KCNN2: variants seen among roughly 807,000 people sequenced by gnomAD.
KCNN2 encodes the protein small conductance calcium-activated potassium channel protein 2.
In KCNN2, 24 loss-of-function variants were observed where a neutral mutation model predicts 55.5. The ratio of observed to expected loss-of-function variants is 0.43; its 90% confidence interval spans 0.31 to 0.61. The LOEUF (loss-of-function observed/expected upper bound fraction) is 0.61, where lower values mean the gene tolerates loss of function less well. KCNN2 is among the 20% of genes least tolerant of loss of function. The pLI, the probability that KCNN2 is intolerant of heterozygous loss-of-function variation, is 0.08. For synonymous variants in KCNN2, 431 were observed against 336.1 expected (o/e 1.28, Z -3.09); for missense variants, 754 against 853.6 (o/e 0.88, Z 1.45).
At chr5:114,071,901 T>A (rs994496168) in intron 1 of KCNN2, among the ~76,000 whole-genome samples, 7 of 152,318 alleles carry the variant, frequency 4.6e-5, no homozygotes, top group African/African-American at 1.7e-4. Context: ...TGGGGCCTCA[T>A]AAAAGATGAT....
intron 3 of KCNN2, among the ~76,000 whole-genome samples, chr5:114,432,546 T>C (rs1438166952): frequency 6.6e-6 from 1 of 152,210 alleles, no homozygotes; most frequent in African/African-American, 2.4e-5. Flanking sequence ...TCGCTCGCTC[T>C]CGGCGCCTCC....
At chr5:114,072,323 T>A (rs1750590550) in intron 1 of KCNN2, among the ~76,000 whole-genome samples, 1 of 151,806 alleles carries the variant, frequency 6.6e-6, no homozygotes, top group Non-Finnish European at 1.5e-5. Flanking sequence ...CGATCCCTTC[T>A]TGCTTGTTCA....
intron 1 of KCNN2, among the ~76,000 whole-genome samples, chr5:114,143,225 A>G (rs1041932657): frequency 2.6e-5 from 4 of 152,190 alleles, no homozygotes; most frequent in African/African-American, 9.7e-5. Flanking sequence ...GTAATTCTTT[A>G]ACAGAACATC....
At chr5:114,072,119 C>T (rs1450056855) in intron 1 of KCNN2, among the ~76,000 whole-genome samples, 21 of 152,026 alleles carry the variant, frequency 1.4e-4, no homozygotes, top group Admixed American at 1.4e-3. Context: ...ATGGAGAAAC[C>T]ACGTCTATAC....
chr5:114,379,158 C>A (rs1411902643), intron 2 of KCNN2, among the ~76,000 whole-genome samples: 1 of 152,010 alleles, frequency 6.6e-6, no homozygotes, highest in African/African-American at 2.4e-5. Flanking sequence ...CTAGTGGTAG[C>A]TGACATTTGC....
chr5:114,194,638 A>G (rs12655662), intron 1 of KCNN2, among the ~76,000 whole-genome samples: 54,305 of 151,860 alleles, frequency 0.36, 10,310 homozygotes, highest in East Asian at 0.73. Context: ...GTTTTCTTCT[A>G]TTCAGTAGAT....
intron 1 of KCNN2, among the ~76,000 whole-genome samples, chr5:114,077,335 A>G (rs2112534929): frequency 6.6e-6 from 1 of 152,384 alleles, no homozygotes; most frequent in African/African-American, 2.4e-5. Flanking sequence ...AAACCACTCC[A>G]GCGTTACGAA....
chr5:114,337,244 A>C (rs1457865233), intron 2 of KCNN2, among the ~76,000 whole-genome samples: 2 of 152,150 alleles, frequency 1.3e-5, no homozygotes, highest in Non-Finnish European at 2.9e-5. Flanking sequence ...CCCATAGGTA[A>C]GTGGGGGTTA....
chr5:114,424,100 G>A (rs1057240464), intron 3 of KCNN2, among the ~76,000 whole-genome samples: 1 of 152,118 alleles, frequency 6.6e-6, no homozygotes, highest in African/African-American at 2.4e-5. Context: ...TATGCCAAAG[G>A]CATTATTATT....
At chr5:114,421,303 A>G (rs1267407356) in intron 3 of KCNN2, among the ~76,000 whole-genome samples, 1 of 151,568 alleles carries the variant, frequency 6.6e-6, no homozygotes, top group African/African-American at 2.4e-5. Flanking sequence ...TTTTTTAAAC[A>G]TTTTTGAGAC....
chr5:114,389,218 T>C (rs1175033509), intron 2 of KCNN2, among the ~76,000 whole-genome samples: 1 of 152,156 alleles, frequency 6.6e-6, no homozygotes, highest in Non-Finnish European at 1.5e-5. Context: ...ATTGTATATG[T>C]TCGTTTCTCC....
intron 1 of KCNN2, among the ~76,000 whole-genome samples, chr5:114,170,473 A>T (rs1210972537): frequency 6.6e-6 from 1 of 151,928 alleles, no homozygotes; most frequent in Non-Finnish European, 1.5e-5. Context: ...CATTTAATCT[A>T]TGTGCTGGAA....
intron 2 of KCNN2, among the ~76,000 whole-genome samples, chr5:114,268,129 T>G (rs1024429338): frequency 9.9e-5 from 15 of 152,154 alleles, no homozygotes; most frequent in African/African-American, 3.6e-4. Flanking sequence ...TCACCAAAGC[T>G]CATGCATTCT....
chr5:114,404,701 T>C lies in KCNN2; in HGVS notation c.1482T>C (p.Asp494=). 1 of 1,614,164 alleles carries C rather than the reference T, an allele frequency of 6.2e-7. No individual in the cohort carries two copies. The highest frequency in any genetic ancestry group is 8.5e-7 in the Non-Finnish European group (1 of 1,180,024). The stretch of plus-strand genomic sequence containing the variant: ...TTTTACATAGCAAACTTTTCACTGA[T>C]GCCTCCTCTAGAAGCATTGGAGCAC... ...VMLLHSKLFT[D]ASSRSIGALN... is the part of the protein sequence containing the mutation. The change falls in exon 3 of 8, where the codon GAT becomes GAC. Residue 494 remains aspartate (D), a synonymous_variant. Coordinates refer to ENST00000673685, the MANE Select transcript of KCNN2 (RefSeq NM_021614.4).
At chr5:114,235,306 G>A (rs1754468163) in intron 2 of KCNN2, among the ~76,000 whole-genome samples, 1 of 152,040 alleles carries the variant, frequency 6.6e-6, no homozygotes, top group African/African-American at 2.4e-5. Context: ...AAACATTTGA[G>A]GGTGAGAAAG....
chr5:114,202,879 C>A (rs2061680813), intron 1 of KCNN2, among the ~76,000 whole-genome samples: 1 of 152,166 alleles, frequency 6.6e-6, no homozygotes, highest in African/African-American at 2.4e-5. Flanking sequence ...AGCCACCGCA[C>A]CCAGCTGCTT....
intron 2 of KCNN2, among the ~76,000 whole-genome samples, chr5:114,289,711 A>T (rs973302991): frequency 6.6e-6 from 1 of 152,170 alleles, no homozygotes; most frequent in Non-Finnish European, 1.5e-5. Context: ...AAAAGGACTG[A>T]TGAAATTTTG....
At chr5:114,404,949 C>A in intron 3 of KCNN2, 93 bp downstream of exon 3, 1 of 1,122,168 alleles carries the variant, frequency 8.9e-7, no homozygotes, top group Non-Finnish European at 1.3e-6. Flanking sequence ...CGTGTAGTGT[C>A]TCACTCTTAA....
At chr5:114,086,916 C>T (rs1185978351) in intron 1 of KCNN2, among the ~76,000 whole-genome samples, 1 of 152,042 alleles carries the variant, frequency 6.6e-6, no homozygotes, top group Non-Finnish European at 1.5e-5. Context: ...ATAAGTGTTC[C>T]CTTTTCTGTG....
Sources: allele counts gnomAD v4.1 joint callset (sites outside exome capture counted in the v4.1 genomes callset), GRCh38; gene constraint gnomAD v4.1.1; transcripts MANE v1.5; gene names NCBI Gene and HGNC (gene_info 2026-07-23, HGNC 2026-07-21).